The following GFOD2 variants were observed in gnomAD, a reference collection of about 807,000 sequenced individuals.
The protein encoded by GFOD2 is Gfo/Idh/MocA-like oxidoreductase domain containing 2, also known as glucose-fructose oxidoreductase domain-containing protein 2.
A neutral mutation model predicts 24.6 loss-of-function variants in GFOD2; 9 were observed. The observed-to-expected ratio is 0.37, with a 90% CI of 0.22 to 0.64. The LOEUF (loss-of-function observed/expected upper bound fraction) is 0.64, where lower values mean the gene tolerates loss of function less well. Ranked by LOEUF, GFOD2 falls within the 30% of genes least tolerant of loss-of-function variation. The probability of loss-of-function intolerance (pLI) is 0.65; values close to 1 mark genes in which losing one functional copy is unlikely to be tolerated. For missense variants in GFOD2, 476 were observed against 532.5 expected, an observed-to-expected ratio of 0.89 and a Z score of 1.04; for synonymous variants, 211 against 224.8, an observed-to-expected ratio of 0.94 and a Z score of 0.55.
intron 2 of GFOD2, chr16:67,676,465 T>C: frequency 5.4e-6 from 1 of 185,530 alleles, no homozygotes; most frequent in Admixed American, 5.7e-5. Context: ...TTGGTTCTGT[T>C]TCTCTGGAGA....
Position 67,708,253 on chromosome 16 carries a change from T to C in GFOD2, c.-88+10910A>G, listed in dbSNP as rs553737018. ...AATTCAGTTCTGTAATCAAACTAAATGGATATGTGTGAATTAGAAGTCTCT... is the reference window on the plus strand; with the variant it reads ...AATTCAGTTCTGTAATCAAACTAAACGGATATGTGTGAATTAGAAGTCTCT... On this transcript the variant is annotated intron_variant, in intron 1 of 2. Coordinates refer to ENST00000268797, the MANE Select transcript of GFOD2 (RefSeq NM_030819.4). Among the ~76,000 whole-genome samples, 87 of 152,294 alleles carry C rather than the reference T, an allele frequency of 5.7e-4. 1 individual carries two copies. Among genetic ancestry groups the C allele is most frequent in the African/African-American group, 2.0e-3 (84 of 41,560 alleles).
intron 1 of GFOD2, among the ~76,000 whole-genome samples, chr16:67,686,294 A>C (rs1449887930): frequency 1.3e-5 from 2 of 151,790 alleles, no homozygotes; most frequent in Non-Finnish European, 2.9e-5. Flanking sequence ...AAAAGAAAAA[A>C]GAAATACTGT....
intron 1 of GFOD2, among the ~76,000 whole-genome samples, chr16:67,697,859 A>G (rs2053369469): frequency 1.3e-5 from 2 of 152,266 alleles, no homozygotes; most frequent in South Asian, 4.1e-4. Flanking sequence ...AAAAGATGAA[A>G]AGTCCTAATT....
Position 67,675,922 on chromosome 16 carries a change from C to T in GFOD2, c.391G>A (p.Val131Met), listed in dbSNP as rs766991070. The T allele has an allele frequency of 4.0e-5, 65 of 1,614,094 alleles. No homozygotes were observed. The Middle Eastern group carries it at 6.6e-4, about 16-fold the overall frequency. ...GNVLRFLPAF[V>M]RMKQLISEHY... ...TCCGAAATCAGCTGTTTCATGCGCA[C>T]GAAGGCAGGCAGGAAGCGCAGCACG... Residue 131 changes from valine to methionine, a missense_variant, in exon 3 of 3, where the codon GTG (valine) becomes ATG (methionine). Coordinates refer to ENST00000268797, the MANE Select transcript of GFOD2 (RefSeq NM_030819.4).
chr16:67,704,765 C>T (rs1485884176), intron 1 of GFOD2, among the ~76,000 whole-genome samples: 1 of 152,202 alleles, frequency 6.6e-6, no homozygotes, highest in East Asian at 1.9e-4. Flanking sequence ...ATGATGATGT[C>T]CTTTATAAAT....
intron 1 of GFOD2, among the ~76,000 whole-genome samples, chr16:67,711,874 G>A (rs1369467561): frequency 6.6e-6 from 1 of 152,078 alleles, no homozygotes; most frequent in Non-Finnish European, 1.5e-5. Context: ...CCTCTATTGT[G>A]CAGACATCCA....
At chr16:67,688,614 TA>T (rs1263909636) in intron 1 of GFOD2, among the ~76,000 whole-genome samples, 1 of 152,136 alleles carries the variant, frequency 6.6e-6, no homozygotes, top group African/African-American at 2.4e-5. Flanking sequence ...GCATCACTGG[TA>T]ACCCTAGACC....
intron 1 of GFOD2, among the ~76,000 whole-genome samples, chr16:67,689,452 C>CCTCAAA (rs2053294594): frequency 6.6e-6 from 1 of 151,732 alleles, no homozygotes; most frequent in Non-Finnish European, 1.5e-5. Flanking sequence ...GGGTGGATCA[C>CCTCAAA]CTGAGGTGAG....
At chr16:67,690,349 T>C (rs2053302052) in intron 1 of GFOD2, among the ~76,000 whole-genome samples, 1 of 152,160 alleles carries the variant, frequency 6.6e-6, no homozygotes, top group African/African-American at 2.4e-5. Flanking sequence ...TTTCTGGTGT[T>C]TTTTGTTGGT....
chr16:67,704,385 T>C (rs1031064855), intron 1 of GFOD2, among the ~76,000 whole-genome samples: 11 of 152,206 alleles, frequency 7.2e-5, no homozygotes, highest in African/African-American at 2.7e-4. Flanking sequence ...ATTTAACAAT[T>C]ATAACTTCCA....
chr16:67,718,826 C>T (rs1222184992), intron 1 of GFOD2, among the ~76,000 whole-genome samples: 1 of 152,222 alleles, frequency 6.6e-6, no homozygotes, highest in African/African-American at 2.4e-5. Context: ...CATCCTCACA[C>T]AGTCAGGTGG....
chr16:67,715,863 C>T (rs1057499242), intron 1 of GFOD2, among the ~76,000 whole-genome samples: 23 of 151,596 alleles, frequency 1.5e-4, no homozygotes, highest in Admixed American at 3.3e-4. Context: ...GTTTTATTAG[C>T]TGTCTATGGT....
intron 1 of GFOD2, among the ~76,000 whole-genome samples, chr16:67,699,640 C>T (rs867534749): frequency 3.3e-5 from 5 of 151,966 alleles, no homozygotes; most frequent in South Asian, 2.1e-4. Context: ...TGTACCACCA[C>T]GCCTGGCTAA....
chr16:67,689,819 AAAT>A (rs1243484672), intron 1 of GFOD2, among the ~76,000 whole-genome samples: 4 of 152,106 alleles, frequency 2.6e-5, no homozygotes. Flanking sequence ...TATTCCCATT[AAAT>A]AATAACTTCC....
intron 2 of GFOD2, chr16:67,682,321 C>T: frequency 4.1e-6 from 4 of 983,594 alleles, no homozygotes; most frequent in Non-Finnish European, 4.8e-6. Context: ...CATGCATGAG[C>T]CACCAAGCCT....
At chr16:67,696,422 A>G (rs2053359809) in intron 1 of GFOD2, among the ~76,000 whole-genome samples, 1 of 151,860 alleles carries the variant, frequency 6.6e-6, no homozygotes, top group South Asian at 2.1e-4. Context: ...TTGAGCCAAT[A>G]TGAAGTGAAA....
At chr16:67,712,442 C>T (rs1382597101) in intron 1 of GFOD2, among the ~76,000 whole-genome samples, 1 of 142,776 alleles carries the variant, frequency 7.0e-6, no homozygotes, top group Admixed American at 6.9e-5. Context: ...CGCACCGCCA[C>T]GCCTGACTGG....
rs1265596335 is a variant in GFOD2 at position 67,714,473 on chromosome 16, CAA to C, written c.-88+4688_-88+4689del. On this transcript the variant is annotated intron_variant, in intron 1 of 2. Coordinates refer to ENST00000268797, the MANE Select transcript of GFOD2 (RefSeq NM_030819.4). ...AGCCTGGGAGATAGAAACACTGTCT[CAA>C]AAAAAAAAAAAAAAAAAAATTACGA... Among the ~76,000 whole-genome samples the C allele has an allele frequency of 8.7e-3, 468 of 53,650 alleles. 4 individuals are homozygous for C. Among genetic ancestry groups the C allele is most frequent in the African/African-American group, 0.03 (426 of 14,166 alleles). 35.2% of individuals were successfully genotyped at this position (53,650 alleles called of 152,430 possible).
intron 1 of GFOD2, among the ~76,000 whole-genome samples, chr16:67,692,423 T>TA (rs934366629): frequency 2.0e-5 from 3 of 151,324 alleles, no homozygotes; most frequent in African/African-American, 7.3e-5. Flanking sequence ...TACTAAAAAA[T>TA]AAAAAAATTA....
Sources: allele counts gnomAD v4.1 joint callset (sites outside exome capture counted in the v4.1 genomes callset), GRCh38; gene constraint gnomAD v4.1.1; transcripts MANE v1.5; gene names NCBI Gene and HGNC (gene_info 2026-07-23, HGNC 2026-07-21).